FRMD4B: variants seen among roughly 807,000 people sequenced by gnomAD.
The protein encoded by FRMD4B is FERM domain-containing protein 4B.
A neutral mutation model predicts 141.5 loss-of-function variants in FRMD4B; 74 were observed. The ratio of observed to expected loss-of-function variants is 0.52; its 90% confidence interval spans 0.43 to 0.63. The LOEUF is 0.63. Among genes scored for constraint, FRMD4B ranks in the 30% least tolerant of loss-of-function variants. The pLI is 0.00. For synonymous variants in FRMD4B, 506 were observed against 467.9 expected, an observed-to-expected ratio of 1.08 and a Z score of -1.05; for missense variants, 1,366 against 1,253.4, an observed-to-expected ratio of 1.09 and a Z score of -1.36.
At chr3:69,528,103 C>G (rs1485086261) in intron 1 of FRMD4B, among the ~76,000 whole-genome samples, 1 of 152,178 alleles carries the variant, frequency 6.6e-6, no homozygotes, top group Non-Finnish European at 1.5e-5. Context: ...ATTACCTTCC[C>G]TCCTTTGATA....
At chr3:69,471,156 G>A (rs1366491361) in intron 1 of FRMD4B, among the ~76,000 whole-genome samples, 1 of 152,096 alleles carries the variant, frequency 6.6e-6, no homozygotes, top group African/African-American at 2.4e-5. Flanking sequence ...TTCTTTCAAG[G>A]GGTTTGGTGA....
intron 11 of FRMD4B, among the ~76,000 whole-genome samples, chr3:69,211,882 C>G (rs1284615451): frequency 6.6e-6 from 1 of 152,138 alleles, no homozygotes; most frequent in African/African-American, 2.4e-5. Context: ...TTCATTTGTG[C>G]AAACTAGGCC....
intron 1 of FRMD4B, among the ~76,000 whole-genome samples, chr3:69,454,308 C>T (rs1705549890): frequency 6.6e-6 from 1 of 152,258 alleles, no homozygotes; most frequent in South Asian, 2.1e-4. Context: ...CTCTCTGCCC[C>T]TCCTCGGCCT....
chr3:69,259,009 G>C (rs2093509876), intron 5 of FRMD4B, among the ~76,000 whole-genome samples: 1 of 152,110 alleles, frequency 6.6e-6, no homozygotes, highest in Non-Finnish European at 1.5e-5. Flanking sequence ...GATAATTCAA[G>C]TACATTACAT....
chr3:69,350,660 T>A (rs561934116), intron 1 of FRMD4B, among the ~76,000 whole-genome samples: 2 of 152,220 alleles, frequency 1.3e-5, no homozygotes, highest in Admixed American at 1.3e-4. Context: ...AAGAATGAGT[T>A]CATGTCCTTT....
At chr3:69,371,905 C>T (rs1272346011) in intron 1 of FRMD4B, among the ~76,000 whole-genome samples, 1 of 152,142 alleles carries the variant, frequency 6.6e-6, no homozygotes, top group African/African-American at 2.4e-5. Flanking sequence ...AATGAATGCA[C>T]AAGTTATTTC....
At position 69,248,142 on chromosome 3, in the gene FRMD4B, CTT is replaced by C. The variant is rs1386713605; in HGVS notation, c.581+1082_581+1083del. ...AATGGTCTGTAAACTACCTTATACTCTTGTTTTTTTTTTTAAACTCCTGCCCC... is the reference window on the plus strand; with the variant it reads ...AATGGTCTGTAAACTACCTTATACTCGTTTTTTTTTTTAAACTCCTGCCCC... On this transcript the variant is annotated intron_variant, in intron 7 of 22. Coordinates refer to ENST00000398540, the MANE Select transcript of FRMD4B (RefSeq NM_015123.3). Among the ~76,000 whole-genome samples, 8 of 151,854 alleles carry C rather than the reference CTT, an allele frequency of 5.3e-5. No homozygotes were observed. The East Asian group carries it at 5.8e-4, about 11-fold the overall frequency.
At chr3:69,454,314 G>A (rs948421080) in intron 1 of FRMD4B, among the ~76,000 whole-genome samples, 6 of 152,186 alleles carry the variant, frequency 3.9e-5, no homozygotes, top group African/African-American at 1.2e-4. Flanking sequence ...GCCCCTCCTC[G>A]GCCTCAGTGC....
intron 2 of FRMD4B, among the ~76,000 whole-genome samples, chr3:69,431,991 C>G (rs751196910): frequency 6.6e-6 from 1 of 152,148 alleles, no homozygotes; most frequent in Non-Finnish European, 1.5e-5. Flanking sequence ...TGCCTACATG[C>G]CTGGCAGTTT....
At position 69,441,495 on chromosome 3, in the gene FRMD4B, T is replaced by C. The variant is rs528745222; in HGVS notation, c.-128-8734A>G. ...CCACCAGAGAGTAGCCCTCCAACCA[T>C]CCGTAATGACATAGCTTCTTTATTT... is the stretch of plus-strand genomic sequence containing the variant. On this transcript the variant is annotated intron_variant, in intron 1 of 5. Coordinates refer to the FRMD4B transcript ENST00000459638. Among the ~76,000 whole-genome samples the C allele has an allele frequency of 3.3e-5, 5 of 152,254 alleles. No homozygotes were observed. The East Asian group carries it at 5.8e-4, about 18-fold the overall frequency.
chr3:69,283,138 C>T (rs540688522), intron 5 of FRMD4B, among the ~76,000 whole-genome samples: 1 of 151,910 alleles, frequency 6.6e-6, no homozygotes, highest in South Asian at 2.1e-4. Context: ...AATCCCAGCA[C>T]TTTGGGAGGC....
At chr3:69,538,759 G>C (rs370537340) in intron 1 of FRMD4B, among the ~76,000 whole-genome samples, 6 of 152,164 alleles carry the variant, frequency 3.9e-5, no homozygotes, top group Non-Finnish European at 5.9e-5. Flanking sequence ...CAAGCATCTA[G>C]CAACAGAAAA....
At chr3:69,211,931 G>A (rs984120701) in intron 11 of FRMD4B, among the ~76,000 whole-genome samples, 1 of 151,758 alleles carries the variant, frequency 6.6e-6, no homozygotes, top group South Asian at 2.1e-4. Context: ...TCCTTACATT[G>A]TCTGGACATA....
Position 69,189,912 on chromosome 3 carries a change from G to A in FRMD4B, c.1755C>T (p.Thr585=). 1 of 1,596,862 alleles carries A rather than the reference G, an allele frequency of 6.3e-7. No individual in the cohort carries two copies. The highest frequency in any genetic ancestry group is 8.6e-7 in the Non-Finnish European group (1 of 1,164,732). ...IPSESSSLSD[T]TTYDDPSDAF... is the part of the protein sequence containing the mutation. ...GCCACTTACGATCATCATAGGTGGT[G>A]GTGTCAGACAAAGAGCTACTCTCTG... Residue 585 remains threonine (T), a synonymous_variant, in exon 18 of 23, where the codon ACC becomes ACT. Coordinates refer to ENST00000398540, the MANE Select transcript of FRMD4B (RefSeq NM_015123.3).
chr3:69,350,141 A>G (rs1378521644), intron 1 of FRMD4B, among the ~76,000 whole-genome samples: 1 of 151,980 alleles, frequency 6.6e-6, no homozygotes, highest in Non-Finnish European at 1.5e-5. Context: ...AAAACAAACA[A>G]CCCCATGAAA....
At chr3:69,182,784 A>G in intron 19 of FRMD4B, 67 bp from the exon 20 acceptor site, 1 of 1,503,364 alleles carries the variant, frequency 6.7e-7, no homozygotes, top group Non-Finnish European at 9.1e-7. Flanking sequence ...AACTTGTCAT[A>G]AGCAGATACA....
At chr3:69,410,706 TATAA>T (rs1219342263) in intron 2 of FRMD4B, among the ~76,000 whole-genome samples, 1,631 of 113,916 alleles carry the variant, frequency 0.014, 21 homozygotes, top group South Asian at 0.029. Context: ...AAAAGAAATA[TATAA>T]ATAAATAAAT....
intron 1 of FRMD4B, among the ~76,000 whole-genome samples, chr3:69,455,488 A>AC (rs1705584287): frequency 2.0e-5 from 3 of 152,232 alleles, no homozygotes; most frequent in Non-Finnish European, 4.4e-5. Flanking sequence ...TGTAAGGCTC[A>AC]CCGTGAAGGT....
chr3:69,423,235 A>G (rs1462922942), intron 2 of FRMD4B, among the ~76,000 whole-genome samples: 1 of 152,142 alleles, frequency 6.6e-6, no homozygotes, highest in African/African-American at 2.4e-5. Context: ...TGCAGCCTCA[A>G]ACTCCTGGGC....
Sources: allele counts gnomAD v4.1 joint callset (sites outside exome capture counted in the v4.1 genomes callset), GRCh38; gene constraint gnomAD v4.1.1; transcripts MANE v1.5; gene names NCBI Gene and HGNC (gene_info 2026-07-23, HGNC 2026-07-21).